CTXN2: variants seen among roughly 807,000 people sequenced by gnomAD.
The protein encoded by CTXN2 is cortexin-2.
A neutral mutation model predicts 5.7 loss-of-function variants in CTXN2; 3 were observed. The ratio of observed to expected loss-of-function variants is 0.53; its 90% CI spans 0.24 to 1.36. The LOEUF (loss-of-function observed/expected upper bound fraction) is 1.36. Among genes scored for constraint, CTXN2 ranks in the 40% most tolerant of loss-of-function variants. CTXN2 has a pLI of 0.17. For missense variants in CTXN2, 87 were observed against 93.0 expected, an observed-to-expected ratio of 0.94 and a Z score of 0.26; for synonymous variants, 38 against 36.4, an observed-to-expected ratio of 1.04 and a Z score of -0.16.
At chr15:48,182,036 G>A (rs1298813819) in intron 1 of CTXN2, among the ~76,000 whole-genome samples, 1 of 152,108 alleles carries the variant, frequency 6.6e-6, no homozygotes. Flanking sequence ...TTACTATCAA[G>A]TAGAAAGTAA....
upstream of CTXN2, among the ~76,000 whole-genome samples, chr15:48,190,664 A>T (rs1309009467): frequency 6.6e-6 from 1 of 152,134 alleles, no homozygotes; most frequent in Non-Finnish European, 1.5e-5. Context: ...AACGACTCAC[A>T]GTCCAGTAGT....
chr15:48,180,079 A>C (rs1401769802), intron 1 of CTXN2, among the ~76,000 whole-genome samples: 3 of 152,244 alleles, frequency 2.0e-5, no homozygotes, highest in African/African-American at 7.2e-5. Context: ...TATAATACAA[A>C]TAAAAGCAAA....
At chr15:48,196,376 A>G (rs1038150107) in intron 1 of CTXN2, among the ~76,000 whole-genome samples, 4 of 152,100 alleles carry the variant, frequency 2.6e-5, no homozygotes, top group Non-Finnish European at 5.9e-5. Flanking sequence ...ACACTTTGTC[A>G]AATTTAATAA....
intron 1 of CTXN2, among the ~76,000 whole-genome samples, chr15:48,180,521 G>A (rs1864152101): frequency 6.6e-6 from 1 of 151,838 alleles, no homozygotes; most frequent in Non-Finnish European, 1.5e-5. Context: ...GTTTTGTTTT[G>A]TCTTTTTTGA....
intron 1 of CTXN2, among the ~76,000 whole-genome samples, chr15:48,197,014 A>ATTTTTTTTT (rs5812437): frequency 6.9e-6 from 1 of 144,658 alleles, no homozygotes; most frequent in Non-Finnish European, 1.5e-5. Context: ...ACATTGTTTG[A>ATTTTTTTTT]TTTTTTTTTT....
chr15:48,195,399 T>C (rs1172342524), intron 1 of CTXN2, among the ~76,000 whole-genome samples: 1 of 152,102 alleles, frequency 6.6e-6, no homozygotes, highest in East Asian at 1.9e-4. Flanking sequence ...AAATTATGTC[T>C]ATTTCAGTCT....
chr15:48,195,516 C>A (rs1351724416), intron 1 of CTXN2, among the ~76,000 whole-genome samples: 1 of 152,114 alleles, frequency 6.6e-6, no homozygotes, highest in Non-Finnish European at 1.5e-5. Context: ...CGCTTTGTTT[C>A]CCATACTCCC....
intron 1 of CTXN2, among the ~76,000 whole-genome samples, chr15:48,200,315 GTAAT>G (rs1189436078): frequency 6.6e-6 from 1 of 152,124 alleles, no homozygotes; most frequent in Non-Finnish European, 1.5e-5. Flanking sequence ...ATCTTTATTT[GTAAT>G]TAATTCATTT....
In CTXN2 at chr15:48,201,465, A is replaced by G. The variant is rs778611289; in HGVS notation, c.165A>G (p.Pro55=). 7 of 1,551,220 alleles carry G rather than the reference A, an allele frequency of 4.5e-6. No individual in the cohort carries two copies. Among genetic ancestry groups the G allele is most frequent in the African/African-American group, 2.7e-5 (2 of 73,028 alleles). ...IIRCFKILLD[P]YSSMPSSTWE... ...GATGCTTCAAAATCCTGCTAGACCC[A>G]TATAGTAGCATGCCTTCCTCTACAT... is the stretch of plus-strand genomic sequence containing the variant. The change falls in exon 2 of 2, where the codon CCA becomes CCG. Residue 55 remains proline, a synonymous_variant. Coordinates refer to ENST00000417307, the MANE Select transcript of CTXN2 (RefSeq NM_001145668.2).
chr15:48,179,405 TCACACACACACATA>T (rs942409915), intron 1 of CTXN2, among the ~76,000 whole-genome samples: 2 of 44,906 alleles, frequency 4.5e-5, no homozygotes, highest in Non-Finnish European at 6.1e-4. Flanking sequence ...AGCTACTTCA[TCACACACACACATA>T]CACACACACA....
intron 1 of CTXN2, among the ~76,000 whole-genome samples, chr15:48,186,290 A>G (rs2040754110): frequency 6.6e-6 from 1 of 152,228 alleles, no homozygotes; most frequent in Admixed American, 6.5e-5. Context: ...TTCTTTGCAG[A>G]AAAGTTTACC....
At chr15:48,190,623 A>G (rs1207128796), upstream of CTXN2, among the ~76,000 whole-genome samples, 1 of 152,042 alleles carries the variant, frequency 6.6e-6, no homozygotes, top group Non-Finnish European at 1.5e-5. Flanking sequence ...TCTTTAGATG[A>G]GTGTCCCAAT....
chr15:48,201,146 A>C, intron 1 of CTXN2, 98 bp from the exon 2 acceptor site: 1 of 671,848 alleles, frequency 1.5e-6, no homozygotes, highest in South Asian at 2.0e-5. Flanking sequence ...TTTGTGAGTT[A>C]AGTCAAGAAG....
At chr15:48,187,487 TC>T (rs766525604), upstream of CTXN2, among the ~76,000 whole-genome samples, 1 of 152,180 alleles carries the variant, frequency 6.6e-6, no homozygotes, top group African/African-American at 2.4e-5. Flanking sequence ...GGAATAATAA[TC>T]AAACCTCAGC....
intron 1 of CTXN2, among the ~76,000 whole-genome samples, chr15:48,178,947 A>C (rs551497075): frequency 6.6e-6 from 1 of 151,774 alleles, no homozygotes; most frequent in East Asian, 1.9e-4. Context: ...CAATATGGGG[A>C]ATCCATAATT....
chr15:48,193,934 GAT>G, intron 1 of CTXN2, among the ~76,000 whole-genome samples: 1 of 152,072 alleles, frequency 6.6e-6, no homozygotes. Flanking sequence ...CTGAAATACT[GAT>G]ATTTCAACTG....
Position 48,191,855 on chromosome 15 carries a change from T to TGA in CTXN2, c.-58+5_-58+6dup, listed in dbSNP as rs976832520. ...TCTCCATGGCAACAAGCATGGAAGGTGAGACATCGCTGTCTGCGAAGTAAC... is the reference window on the plus strand; with the variant it reads ...TCTCCATGGCAACAAGCATGGAAGGTGAGAGACATCGCTGTCTGCGAAGTAAC... On this transcript the variant is annotated splice_region_variant and intron_variant, in intron 1 of 1. Coordinates refer to ENST00000417307, the MANE Select transcript of CTXN2 (RefSeq NM_001145668.2). The TGA allele has an allele frequency of 2.2e-6, 1 of 455,662 alleles. No homozygotes were observed. Among genetic ancestry groups the TGA allele is most frequent in the African/African-American group, 2.0e-5 (1 of 50,016 alleles). 28.2% of individuals were successfully genotyped at this position (455,662 alleles called of 1,614,324 possible).
upstream of CTXN2, among the ~76,000 whole-genome samples, chr15:48,187,047 T>A (rs999802009): frequency 1.3e-5 from 2 of 151,864 alleles, no homozygotes; most frequent in African/African-American, 2.4e-5. Context: ...ATTATAAAAA[T>A]GAACTTCCAG....
upstream of CTXN2, chr15:48,189,578 A>G (rs1404586362): frequency 2.0e-5 from 3 of 152,232 alleles, no homozygotes; most frequent in African/African-American, 4.8e-5. Flanking sequence ...ACTGGTCCAG[A>G]CAATGTCAAA....
Sources: gnomAD v4.1 joint callset for allele counts (sites outside exome capture counted in the v4.1 genomes callset) on GRCh38, gnomAD v4.1.1 for gene constraint, MANE v1.5 for transcripts, NCBI Gene and HGNC (gene_info 2026-07-23, HGNC 2026-07-21) for gene names.